Variants in CTNNA3 observed in about 807,000 individuals in gnomAD.
CTNNA3 encodes catenin alpha 3.
A neutral mutation model predicts 95.7 loss-of-function variants in CTNNA3; 76 were observed. The observed-to-expected ratio is 0.79, with a 90% CI of 0.66 to 0.96. The LOEUF is 0.96. Ranked by LOEUF, CTNNA3 falls within the 40% of genes least tolerant of loss-of-function variation. CTNNA3 has a pLI of 0.00. For missense variants in CTNNA3, 1,191 were observed against 1,089.8 expected, an observed-to-expected ratio of 1.09 and a Z score of -1.31; for synonymous variants, 431 against 374.4, an observed-to-expected ratio of 1.15 and a Z score of -1.74.
At position 65,915,441 on chromosome 10, in the gene CTNNA3, A is replaced by C. The variant is rs1466385047; in HGVS notation, c.*4889T>G. 6.6e-6 allele frequency: 1 copy of C among 151,894 alleles called. No individual in the cohort carries two copies. Among genetic ancestry groups the C allele is most frequent in the Non-Finnish European group, 1.5e-5 (1 of 68,018 alleles). 9.4% of individuals were successfully genotyped at this position (151,894 alleles called of 1,614,324 possible). ...ATGCTTCTGCAACTACCCCTCTCAG[A>C]CCCTTCCCTACCTCTGGCACCTTCT... On this transcript the variant is annotated 3_prime_UTR_variant, in exon 18 of 18. Transcript: ENST00000433211.
At chr10:67,615,521 C>G (rs1028489580) in intron 2 of CTNNA3, among the ~76,000 whole-genome samples, 1 of 152,216 alleles carries the variant, frequency 6.6e-6, no homozygotes, top group Non-Finnish European at 1.5e-5. Context: ...TTGGACTTTA[C>G]CATTCATTTA....
chr10:66,536,053 G>T (rs947119738), intron 10 of CTNNA3, among the ~76,000 whole-genome samples: 5 of 151,822 alleles, frequency 3.3e-5, no homozygotes, highest in African/African-American at 1.2e-4. Context: ...AAGAAAAATA[G>T]ATTTTTAGAG....
intron 5 of CTNNA3, among the ~76,000 whole-genome samples, chr10:67,363,554 A>C (rs1564597439): frequency 6.6e-6 from 1 of 152,088 alleles, no homozygotes; most frequent in Non-Finnish European, 1.5e-5. Context: ...AGATCAACAA[A>C]ATAGATAGAC....
At chr10:67,517,316 A>G (rs1452477799) in intron 5 of CTNNA3, among the ~76,000 whole-genome samples, 3 of 152,176 alleles carry the variant, frequency 2.0e-5, no homozygotes, top group Admixed American at 6.6e-5. Context: ...ATAAGAGATA[A>G]CAAGTAGAAT....
chr10:66,457,146 G>C (rs1326831526), intron 11 of CTNNA3, among the ~76,000 whole-genome samples: 1 of 152,098 alleles, frequency 6.6e-6, no homozygotes, highest in Non-Finnish European at 1.5e-5. Flanking sequence ...CTTGGTGTTA[G>C]TCTAAGAGTT....
chr10:67,528,213 A>T (rs1229584858), intron 4 of CTNNA3, among the ~76,000 whole-genome samples: 1 of 152,206 alleles, frequency 6.6e-6, no homozygotes, highest in Non-Finnish European at 1.5e-5. Context: ...ATTATTTACA[A>T]AAGTGTCTTC....
At chr10:66,845,651 C>T (rs1463105078) in intron 7 of CTNNA3, among the ~76,000 whole-genome samples, 3 of 138,126 alleles carry the variant, frequency 2.2e-5, no homozygotes, top group Non-Finnish European at 3.0e-5. Context: ...TGCGGTGAGC[C>T]GAGATCGCGC....
chr10:66,442,793 G>C (rs1252878629), intron 11 of CTNNA3, among the ~76,000 whole-genome samples: 1 of 152,214 alleles, frequency 6.6e-6, no homozygotes, highest in East Asian at 1.9e-4. Flanking sequence ...TCACTAGGGA[G>C]TGCCAGACAG....
intron 11 of CTNNA3, among the ~76,000 whole-genome samples, chr10:66,389,263 T>A (rs1402435005): frequency 6.6e-6 from 1 of 152,150 alleles, no homozygotes; most frequent in Non-Finnish European, 1.5e-5. Flanking sequence ...GCATCATTTT[T>A]AAAATGAGGT....
chr10:65,977,625 A>T (rs965435173), intron 16 of CTNNA3, among the ~76,000 whole-genome samples: 4 of 151,944 alleles, frequency 2.6e-5, no homozygotes, highest in Admixed American at 2.6e-4. Context: ...TACTCAAAAT[A>T]TGAAATATTA....
chr10:66,202,634 T>G (rs2087503796), intron 13 of CTNNA3, among the ~76,000 whole-genome samples: 1 of 152,218 alleles, frequency 6.6e-6, no homozygotes, highest in Non-Finnish European at 1.5e-5. Context: ...TCTACCAGAC[T>G]GGGTAATCAA....
chr10:66,313,493 C>A (rs2092053272), intron 12 of CTNNA3, among the ~76,000 whole-genome samples: 1 of 152,192 alleles, frequency 6.6e-6, no homozygotes, highest in African/African-American at 2.4e-5. Context: ...GCGTTTGCTG[C>A]TGTTGATCCT....
intron 5 of CTNNA3, among the ~76,000 whole-genome samples, chr10:67,384,973 C>CA (rs1844094053): frequency 6.6e-6 from 1 of 151,870 alleles, no homozygotes; most frequent in South Asian, 2.1e-4. Context: ...TGAATGCCAC[C>CA]AAAAAGGCCT....
intron 7 of CTNNA3, among the ~76,000 whole-genome samples, chr10:67,127,808 G>A (rs1859791931): frequency 6.6e-6 from 1 of 152,040 alleles, no homozygotes. Context: ...CTGACTTAGA[G>A]TTATTATTCA....
intron 6 of CTNNA3, among the ~76,000 whole-genome samples, chr10:67,208,077 T>C (rs990393769): frequency 2.0e-5 from 3 of 152,082 alleles, no homozygotes; most frequent in African/African-American, 7.2e-5. Context: ...TTATCATAGC[T>C]ATAAGAACAG....
intron 3 of CTNNA3, among the ~76,000 whole-genome samples, chr10:67,541,974 C>T (rs917172810): frequency 6.6e-5 from 10 of 152,014 alleles, no homozygotes; most frequent in Non-Finnish European, 1.3e-4. Flanking sequence ...GTATTTTTGA[C>T]TCTAAAAATG....
chr10:67,103,626 G>T (rs1858463664), intron 7 of CTNNA3, among the ~76,000 whole-genome samples: 1 of 151,614 alleles, frequency 6.6e-6, no homozygotes. Context: ...TCACACAGTG[G>T]GGTTGAAGAT....
chr10:66,171,265 T>C (rs1336581820), intron 13 of CTNNA3, among the ~76,000 whole-genome samples: 1 of 149,828 alleles, frequency 6.7e-6, no homozygotes, highest in Non-Finnish European at 1.5e-5. Flanking sequence ...ATGCTAGCCT[T>C]TATTTAAAAA....
intron 13 of CTNNA3, among the ~76,000 whole-genome samples, chr10:66,171,503 G>T (rs374010409): frequency 6.6e-6 from 1 of 150,384 alleles, no homozygotes; most frequent in Non-Finnish European, 1.5e-5. Context: ...CAGAGATCGC[G>T]CCACTGCACT....
Sources: gnomAD v4.1 joint callset for allele counts (sites outside exome capture counted in the v4.1 genomes callset) on GRCh38, gnomAD v4.1.1 for gene constraint, MANE v1.5 for transcripts, NCBI Gene and HGNC (gene_info 2026-07-23, HGNC 2026-07-21) for gene names.